Variants in ACSS3 observed in about 807,000 individuals in gnomAD.
ACSS3 encodes the protein acyl-CoA synthetase short chain family member 3.
Under a neutral mutation model 84.2 loss-of-function variants are expected in ACSS3, and 64 were observed. That is an observed-to-expected ratio of 0.76 (90% CI 0.62 to 0.94). The LOEUF is 0.94. Among genes scored for constraint, ACSS3 ranks in the 40% least tolerant of loss-of-function variants. ACSS3 has a pLI of 0.00. For missense variants in ACSS3, 815 were observed against 867.6 expected, an observed-to-expected ratio of 0.94 and a Z score of 0.76; for synonymous variants, 317 against 310.1, an observed-to-expected ratio of 1.02 and a Z score of -0.23.
At chr12:81,083,324 A>G (rs1434846110) in intron 1 of ACSS3, among the ~76,000 whole-genome samples, 1 of 150,836 alleles carries the variant, frequency 6.6e-6, no homozygotes, top group Non-Finnish European at 1.5e-5. Context: ...GAATATAAAA[A>G]TCTAAATTTC....
intron 8 of ACSS3, among the ~76,000 whole-genome samples, chr12:81,196,541 G>T (rs1448473059): frequency 6.6e-6 from 1 of 151,958 alleles, no homozygotes; most frequent in African/African-American, 2.4e-5. Context: ...TGGATTTGCA[G>T]CTCACATTAT....
At chr12:81,093,394 A>G (rs1459252634) in intron 1 of ACSS3, among the ~76,000 whole-genome samples, 1 of 151,818 alleles carries the variant, frequency 6.6e-6, no homozygotes, top group Non-Finnish European at 1.5e-5. Context: ...TGGAGGTTGC[A>G]GTGAGCCGAG....
At chr12:81,148,614 T>A (rs927545987) in intron 5 of ACSS3, among the ~76,000 whole-genome samples, 3 of 152,100 alleles carry the variant, frequency 2.0e-5, no homozygotes, top group Non-Finnish European at 4.4e-5. Context: ...AGAGTGCTAG[T>A]CCCATCTGGA....
At chr12:81,220,454 T>C (rs2033066586) in intron 11 of ACSS3, among the ~76,000 whole-genome samples, 1 of 152,052 alleles carries the variant, frequency 6.6e-6, no homozygotes, top group Non-Finnish European at 1.5e-5. Flanking sequence ...CTACATTTTT[T>C]TGGTATAGAT....
At chr12:81,194,323 G>A (rs912153876) in intron 8 of ACSS3, among the ~76,000 whole-genome samples, 5 of 151,584 alleles carry the variant, frequency 3.3e-5, no homozygotes, top group African/African-American at 1.2e-4. Flanking sequence ...ATTTAGATTT[G>A]TATTCTGTTT....
At chr12:81,132,165 T>C (rs1593107518) in intron 2 of ACSS3, among the ~76,000 whole-genome samples, 1 of 152,208 alleles carries the variant, frequency 6.6e-6, no homozygotes, top group East Asian at 1.9e-4. Context: ...GAGGATTCCC[T>C]CTTTTTCTAT....
At chr12:81,082,870 G>C (rs563714742) in intron 1 of ACSS3, among the ~76,000 whole-genome samples, 18 of 152,250 alleles carry the variant, frequency 1.2e-4, no homozygotes, top group Non-Finnish European at 2.4e-4. Flanking sequence ...AATTGGGTGA[G>C]AGAAGCTTGT....
intron 8 of ACSS3, among the ~76,000 whole-genome samples, chr12:81,195,122 G>A (rs17302443): frequency 0.024 from 3,634 of 152,014 alleles, 85 homozygotes; most frequent in South Asian, 0.11. Context: ...AGAATTATTC[G>A]TTTTGGTTGC....
intron 7 of ACSS3, among the ~76,000 whole-genome samples, chr12:81,160,427 A>T (rs1461305295): frequency 6.6e-6 from 1 of 152,260 alleles, no homozygotes; most frequent in Non-Finnish European, 1.5e-5. Context: ...AATTAGAGAA[A>T]GGTGAGGATT....
chr12:81,149,602 A>G (rs1259462458), intron 5 of ACSS3, among the ~76,000 whole-genome samples: 1 of 152,202 alleles, frequency 6.6e-6, no homozygotes, highest in African/African-American at 2.4e-5. Context: ...TAGAGTCTAG[A>G]TTAATAAATG....
chr12:81,129,008 A>T (rs1016537501), intron 2 of ACSS3, among the ~76,000 whole-genome samples: 10 of 152,216 alleles, frequency 6.6e-5, no homozygotes, highest in African/African-American at 2.2e-4. Flanking sequence ...ACTGGAAAAG[A>T]AAATCGTACT....
chr12:81,171,465 T>C (rs942100890), intron 7 of ACSS3, among the ~76,000 whole-genome samples: 3 of 152,162 alleles, frequency 2.0e-5, no homozygotes, highest in Non-Finnish European at 2.9e-5. Context: ...GAAAACATTT[T>C]ATTCATAACA....
rs111641450 is a variant in ACSS3 at position 81,083,358 on chromosome 12, C to CTTTTTTTTTTTTTT, written c.311+4939_311+4940insTTTTTTTTTTTTTT. On this transcript the variant is annotated intron_variant, in intron 1 of 15. Transcript: ENST00000548058. ...TCCTGTAAAAAATTCAGCTTTTGGT[C>CTTTTTTTTTTTTTT]TTTTTTTTTTTTCTTTTGAGACGGA... is the stretch of plus-strand genomic sequence containing the variant. Among the ~76,000 whole-genome samples the CTTTTTTTTTTTTTT allele has an allele frequency of 1.4e-5, 2 of 140,304 alleles. 1 individual carries two copies. The highest frequency in any genetic ancestry group is 3.1e-5 in the Non-Finnish European group (2 of 65,270). The allele number at this position is 140,304 out of a possible 152,430, so 92.0% of individuals were successfully genotyped here.
chr12:81,147,243 T>C (rs1333655106), intron 5 of ACSS3, among the ~76,000 whole-genome samples: 1 of 152,206 alleles, frequency 6.6e-6, no homozygotes, highest in African/African-American at 2.4e-5. Flanking sequence ...AGAAACTTTT[T>C]ATGCCTTCTA....
chr12:81,216,834 A>G (rs2032934156), intron 9 of ACSS3, 67 bp from the exon 10 acceptor site: 5 of 1,345,310 alleles, frequency 3.7e-6, no homozygotes, highest in South Asian at 3.5e-5. Flanking sequence ...TAGAGTGTGC[A>G]TGTACTCAAG....
chr12:81,116,325 T>C (rs1479995198), intron 2 of ACSS3, among the ~76,000 whole-genome samples: 1 of 152,076 alleles, frequency 6.6e-6, no homozygotes, highest in East Asian at 1.9e-4. Flanking sequence ...TATTAAATGA[T>C]GAAACAACAG....
Position 81,253,495 on chromosome 12 carries a change from A to G in ACSS3, c.1820A>G (p.Asp607Gly). The G allele has an allele frequency of 6.2e-7, 1 of 1,613,680 alleles. No individual in the cohort carries two copies. The highest frequency in any genetic ancestry group is 8.5e-7 in the Non-Finnish European group (1 of 1,179,694). ...CTTACCATCTGAACTTTCTCTCTAG[A>G]TATAAATGCAACAGAGGAGCAAGTT... ...VPLALCVLRKDINATEEQVLE... is the reference protein window; with the variant it reads ...VPLALCVLRKGINATEEQVLE... Residue 607 changes from aspartate (D) to glycine (G), a missense_variant and splice_region_variant, in exon 15 of 16, where the codon GAT becomes GGT. Coordinates refer to ENST00000548058, the MANE Select transcript of ACSS3 (RefSeq NM_024560.4).
chr12:81,155,885 G>A (rs77711034), intron 7 of ACSS3, among the ~76,000 whole-genome samples: 2,830 of 152,214 alleles, frequency 0.019, 56 homozygotes, highest in African/African-American at 0.044. Flanking sequence ...AGAAAAACTT[G>A]ACATCATCAA....
intron 7 of ACSS3, among the ~76,000 whole-genome samples, chr12:81,169,545 A>G (rs1887558784): frequency 6.6e-6 from 1 of 152,170 alleles, no homozygotes; most frequent in South Asian, 2.1e-4. Context: ...CAGTTTTACA[A>G]TTTATCTCCC....
Sources: allele counts gnomAD v4.1 joint callset (sites outside exome capture counted in the v4.1 genomes callset), GRCh38; gene constraint gnomAD v4.1.1; transcripts MANE v1.5; gene names NCBI Gene and HGNC (gene_info 2026-07-23, HGNC 2026-07-21).